FLVCR1: variants seen among roughly 807,000 people sequenced by gnomAD.
FLVCR1 encodes FLVCR choline and heme transporter 1, also known as choline/ethanolamine transporter FLVCR1.
A neutral mutation model predicts 53.6 loss-of-function variants in FLVCR1; 34 were observed. That is an observed-to-expected ratio of 0.63 (90% confidence interval 0.48 to 0.84). The LOEUF (loss-of-function observed/expected upper bound fraction) is 0.84, where lower values mean the gene tolerates loss of function less well. FLVCR1 is among the 40% of genes least tolerant of loss of function. The pLI, the probability that FLVCR1 is intolerant of heterozygous loss-of-function variation, is 0.00. For missense variants in FLVCR1, 677 were observed against 696.7 expected (o/e 0.97, Z 0.32); for synonymous variants, 300 against 286.3 (o/e 1.05, Z -0.48).
chr1:212,890,145 AAG>A (rs1665154683), intron 8 of FLVCR1, among the ~76,000 whole-genome samples: 1 of 152,234 alleles, frequency 6.6e-6, no homozygotes, highest in South Asian at 2.1e-4. Context: ...TCTCCAGAGA[AAG>A]AGAATGTCAG....
At position 212,885,345 on chromosome 1, in the gene FLVCR1, T is replaced by C; in HGVS notation, c.1145T>C (p.Met382Thr). 6.2e-7 allele frequency: 1 copy of C among 1,614,144 alleles called. No individual in the cohort carries two copies. The highest frequency in any genetic ancestry group is 8.5e-7 in the Non-Finnish European group (1 of 1,180,002). ...GGGCTAACGCTAGTAGTAGCTGGAA[T>C]GGTGGGCTCTATTCTTTGTGGCTTA... ...RIGLTLVVAG[M>T]VGSILCGLWL... Residue 382 changes from methionine (M) to threonine (T), a missense_variant, in exon 5 of 10, where the codon ATG (methionine) becomes ACG (threonine). Coordinates refer to ENST00000366971, the MANE Select transcript of FLVCR1 (RefSeq NM_014053.4).
Position 212,895,592 on chromosome 1 carries a change from G to C in FLVCR1, c.*302G>C, listed in dbSNP as rs1379002349. 9 of 376,532 alleles carry C rather than the reference G, an allele frequency of 2.4e-5. No individual in the cohort carries two copies. Among genetic ancestry groups the C allele is most frequent in the Non-Finnish European group, 4.9e-6 (1 of 203,594 alleles). 23.3% of individuals were successfully genotyped at this position (376,532 alleles called of 1,614,324 possible). ...TCTTGACGTTTACTTTTTAAAAGTC[G>C]ATGTTTTTCTTTTTTGTAGAAAATG... On this transcript the variant is annotated 3_prime_UTR_variant, in exon 10 of 10. Transcript: ENST00000366971.
intron 2 of FLVCR1, among the ~76,000 whole-genome samples, chr1:212,872,096 A>AT (rs1229077180): frequency 6.6e-6 from 1 of 151,904 alleles, no homozygotes; most frequent in East Asian, 1.9e-4. Context: ...CTCATATCTG[A>AT]TTTTTTATTT....
At chr1:212,890,342 G>A (rs2047288) in intron 8 of FLVCR1, among the ~76,000 whole-genome samples, 3,491 of 152,146 alleles carry the variant, frequency 0.023, 61 homozygotes, top group South Asian at 0.041. Flanking sequence ...ATGTGTGTAC[G>A]TTATATGTAA....
In FLVCR1 at chr1:212,895,200, C is replaced by CTGAT. The variant is rs41301015; in HGVS notation, c.1594-13_1594-10dup. 0.22 allele frequency: 347,560 copies of CTGAT among 1,588,394 alleles called. 43,778 individuals are homozygous for CTGAT. Among genetic ancestry groups the CTGAT allele is most frequent in the Admixed American group, 0.51 (30,402 of 59,850 alleles). ...CCAGATGCTATACATTTTTAATCTT[C>CTGAT]TGATTGTTTTTATAGATACCAGCTG... On this transcript the variant is annotated splice_polypyrimidine_tract_variant and intron_variant, in intron 9 of 9. Coordinates refer to ENST00000366971, the MANE Select transcript of FLVCR1 (RefSeq NM_014053.4).
chr1:212,863,400 A>C (rs980045529), intron 1 of FLVCR1, among the ~76,000 whole-genome samples: 2 of 151,946 alleles, frequency 1.3e-5, no homozygotes, highest in Admixed American at 1.3e-4. Flanking sequence ...CACCAGCCTG[A>C]CCAACATGGT....
intron 2 of FLVCR1, among the ~76,000 whole-genome samples, chr1:212,870,848 C>T (rs1264416476): frequency 6.6e-6 from 1 of 152,178 alleles, no homozygotes; most frequent in Non-Finnish European, 1.5e-5. Flanking sequence ...CTCACTGCAA[C>T]CTCCACCTCC....
At chr1:212,873,290 G>A (rs1572016157) in intron 3 of FLVCR1, among the ~76,000 whole-genome samples, 2 of 148,244 alleles carry the variant, frequency 1.3e-5, no homozygotes, top group East Asian at 4.0e-4. Flanking sequence ...TCCAGCCTGG[G>A]CAATAGAGTG....
At chr1:212,889,092 C>G in intron 7 of FLVCR1, 54 bp from the exon 8 acceptor site, 1 of 1,270,520 alleles carries the variant, frequency 7.9e-7, no homozygotes, top group Non-Finnish European at 1.1e-6. Flanking sequence ...AAACTTTATA[C>G]TTGCTTTAAA....
At position 212,875,288 on chromosome 1, in the gene FLVCR1, C is replaced by G. The variant is rs555906905; in HGVS notation, c.1024+2470C>G. On this transcript the variant is annotated intron_variant, in intron 3 of 9. Coordinates refer to ENST00000366971, the MANE Select transcript of FLVCR1 (RefSeq NM_014053.4). ...TCGGTATTTATCAAAAGGATAACAACACAAGATGAGTTGTATGGCAAGTGC... is the reference window on the plus strand; with the variant it reads ...TCGGTATTTATCAAAAGGATAACAAGACAAGATGAGTTGTATGGCAAGTGC... Among the ~76,000 whole-genome samples, 50 of 152,290 alleles carry G rather than the reference C, an allele frequency of 3.3e-4. No individual in the cohort carries two copies. In the South Asian group the frequency reaches 8.1e-3, roughly 25 times the overall value.
At chr1:212,890,096 G>C (rs1665153741) in intron 8 of FLVCR1, among the ~76,000 whole-genome samples, 1 of 152,232 alleles carries the variant, frequency 6.6e-6, no homozygotes, top group Non-Finnish European at 1.5e-5. Context: ...CTTAGGTATA[G>C]TCATCATAGA....
chr1:212,868,055 A>G (rs557521293), intron 2 of FLVCR1, among the ~76,000 whole-genome samples: 24 of 152,058 alleles, frequency 1.6e-4, no homozygotes, highest in Non-Finnish European at 2.9e-4. Flanking sequence ...CGCCCACCTC[A>G]GCCTCTCAAA....
rs937823069 is a variant in FLVCR1 at position 212,881,324 on chromosome 1, CAG to C, written c.1025-2044_1025-2043del. Among the ~76,000 whole-genome samples the C allele has an allele frequency of 1.6e-4, 14 of 87,526 alleles. No individual in the cohort carries two copies. The South Asian group carries it at 3.4e-3, about 21-fold the overall frequency. The allele number at this position is 87,526 out of a possible 152,430, so 57.4% of individuals were successfully genotyped here. A position where few individuals can be genotyped will look rare whatever the true frequency, so the allele number is the denominator to read the frequency against. ...GTCTTTTTTTTTTTTTTTTTTGAGA[CAG>C]AGTCTCACTCTGTCGAATTTCTTTT... On this transcript the variant is annotated intron_variant, in intron 3 of 9. Transcript: ENST00000366971.
intron 1 of FLVCR1, among the ~76,000 whole-genome samples, chr1:212,863,009 T>C (rs993693465): frequency 6.6e-6 from 1 of 152,240 alleles, no homozygotes; most frequent in Non-Finnish European, 1.5e-5. Flanking sequence ...GGGATATTGC[T>C]TTTTTGTTGT....
intron 1 of FLVCR1, among the ~76,000 whole-genome samples, chr1:212,859,824 T>G (rs903773780): frequency 2.0e-5 from 3 of 152,112 alleles, no homozygotes; most frequent in African/African-American, 7.2e-5. Flanking sequence ...CGAACAAGAC[T>G]TGGGGTATTA....
In FLVCR1 at chr1:212,888,686, T is replaced by TGTC. The variant is rs2102569655; in HGVS notation, c.1413+94_1413+95insCGT. ...TGACCATGGTTTTATTTGTTGTTGT[T>TGTC]GTTGTTTTGTTTTTTGGAGACAGAG... is the stretch of plus-strand genomic sequence containing the variant. On this transcript the variant is annotated intron_variant, in intron 7 of 9. Coordinates refer to ENST00000366971, the MANE Select transcript of FLVCR1 (RefSeq NM_014053.4). 5 of 1,045,552 alleles carry TGTC rather than the reference T, an allele frequency of 4.8e-6. No individual in the cohort carries two copies. The East Asian group carries it at 7.3e-5, about 15-fold the overall frequency. The allele number at this position is 1,045,552 out of a possible 1,614,324, so 64.8% of individuals were successfully genotyped here. A position where few individuals can be genotyped will look rare whatever the true frequency, so the allele number is the denominator to read the frequency against.
chr1:212,885,616 T>A, intron 5 of FLVCR1: 1 of 421,182 alleles, frequency 2.4e-6, no homozygotes, highest in South Asian at 2.7e-5. Flanking sequence ...AGTGGCGCAA[T>A]CTCGGCTCAC....
Position 212,889,267 on chromosome 1 carries a change from G to A in FLVCR1, c.1525+10G>A. ...GGCATCATATTAACAGGTAAATTAG[G>A]GCGTTTGCCTGGCAAAAGGACTTGT... is the stretch of plus-strand genomic sequence containing the variant. On this transcript the variant is annotated intron_variant, in intron 8 of 9. Transcript: ENST00000366971. The A allele has an allele frequency of 6.5e-7, 1 of 1,544,250 alleles. No individual in the cohort carries two copies. Among genetic ancestry groups the A allele is most frequent in the Non-Finnish European group, 9.0e-7 (1 of 1,116,720 alleles).
chr1:212,868,474 C>T (rs927830676), intron 2 of FLVCR1, among the ~76,000 whole-genome samples: 6 of 152,156 alleles, frequency 3.9e-5, no homozygotes, highest in South Asian at 4.1e-4. Context: ...AGTGCAGTGA[C>T]GCGATCTCCG....
Sources: gnomAD v4.1 joint callset for allele counts (sites outside exome capture counted in the v4.1 genomes callset) on GRCh38, gnomAD v4.1.1 for gene constraint, MANE v1.5 for transcripts, NCBI Gene and HGNC (gene_info 2026-07-23, HGNC 2026-07-21) for gene names.